Variants in PDE4D observed in about 807,000 individuals in gnomAD.
PDE4D encodes the protein 3',5'-cyclic-AMP phosphodiesterase 4D.
Under a neutral mutation model 87.4 loss-of-function variants are expected in PDE4D, and 24 were observed. The ratio of observed to expected loss-of-function variants is 0.27; its 90% CI spans 0.20 to 0.39. The LOEUF is 0.39. PDE4D is among the 10% of genes least tolerant of loss of function. The pLI is 1.00. For synonymous variants in PDE4D, 384 were observed against 383.2 expected, an observed-to-expected ratio of 1.00 and a Z score of -0.02; for missense variants, 714 against 1,041.0, an observed-to-expected ratio of 0.69 and a Z score of 4.32.
chr5:59,317,306 C>T (rs27168), intron 1 of PDE4D, among the ~76,000 whole-genome samples: 15,895 of 152,144 alleles, frequency 0.1, 1,007 homozygotes, highest in East Asian at 0.28. Context: ...CTAGGGGAGG[C>T]AAACGTGTGC....
chr5:59,377,927 G>A (rs1785002947), intron 1 of PDE4D, among the ~76,000 whole-genome samples: 1 of 152,160 alleles, frequency 6.6e-6, no homozygotes, highest in South Asian at 2.1e-4. Flanking sequence ...TCCCATTACT[G>A]GGTGTATACC....
chr5:58,976,577 T>C, intron 12 of PDE4D, 105 bp from the exon 13 acceptor site: 1 of 885,356 alleles, frequency 1.1e-6, no homozygotes. Flanking sequence ...ACACTATGCC[T>C]TTTAATGACA....
chr5:60,414,018 G>A (rs11745327), intron 1 of PDE4D, among the ~76,000 whole-genome samples: 38,950 of 151,762 alleles, frequency 0.26, 6,968 homozygotes, highest in African/African-American at 0.52. Flanking sequence ...GTTCCACCAA[G>A]TTTCTCGACA....
intron 1 of PDE4D, among the ~76,000 whole-genome samples, chr5:59,431,500 T>C (rs1246836871): frequency 6.6e-6 from 1 of 152,118 alleles, no homozygotes; most frequent in Non-Finnish European, 1.5e-5. Flanking sequence ...TGGGTAAACA[T>C]ACAGTGTGCT....
chr5:59,012,002 ACATTCT>A (rs1722313167), intron 6 of PDE4D, among the ~76,000 whole-genome samples: 1 of 152,208 alleles, frequency 6.6e-6, no homozygotes, highest in African/African-American at 2.4e-5. Flanking sequence ...CCAATATTCA[ACATTCT>A]TAAAGGAAAG....
chr5:59,649,004 T>C (rs1163889518), intron 1 of PDE4D, among the ~76,000 whole-genome samples: 2 of 152,220 alleles, frequency 1.3e-5, no homozygotes, highest in African/African-American at 4.8e-5. Flanking sequence ...GAGTAGGAAG[T>C]TGGATTCTTA....
chr5:59,013,742 C>T (rs534057583), intron 6 of PDE4D, among the ~76,000 whole-genome samples: 1 of 152,150 alleles, frequency 6.6e-6, no homozygotes, highest in East Asian at 1.9e-4. Flanking sequence ...AACATTCCTT[C>T]TGAAACTATT....
At chr5:59,733,019 C>T (rs2150617315) in intron 1 of PDE4D, among the ~76,000 whole-genome samples, 1 of 152,112 alleles carries the variant, frequency 6.6e-6, no homozygotes, top group East Asian at 1.9e-4. Context: ...TGACAGTGAG[C>T]TAGAAATTGC....
At chr5:59,090,093 T>A (rs1019186265) in intron 5 of PDE4D, among the ~76,000 whole-genome samples, 1 of 152,136 alleles carries the variant, frequency 6.6e-6, no homozygotes, top group Non-Finnish European at 1.5e-5. Context: ...CATTAGCAAT[T>A]ACTTACGGGA....
At chr5:59,639,468 T>G (rs1202726616) in intron 1 of PDE4D, among the ~76,000 whole-genome samples, 1 of 152,018 alleles carries the variant, frequency 6.6e-6, no homozygotes, top group Non-Finnish European at 1.5e-5. Context: ...GTAACAGAAG[T>G]GCAGATGAGG....
intron 1 of PDE4D, among the ~76,000 whole-genome samples, chr5:60,283,088 A>G (rs993162232): frequency 6.6e-6 from 1 of 152,092 alleles, no homozygotes; most frequent in Non-Finnish European, 1.5e-5. Context: ...TACTCTACCA[A>G]TTACTGAGAG....
Position 60,078,631 on chromosome 5 carries a change from AG to A in PDE4D, c.43-89915del, listed in dbSNP as rs563749573. On this transcript the variant is annotated intron_variant, in intron 2 of 16. Transcript: ENST00000502484. ...CAACCCCCACTTATGGGTGAGAATA[AG>A]TGGTGTTCAGTTTTCTGTTCCAGTG... Among the ~76,000 whole-genome samples, 141 of 152,150 alleles carry A rather than the reference AG, an allele frequency of 9.3e-4. 1 individual carries two copies. The highest frequency in any genetic ancestry group is 3.2e-3 in the African/African-American group (132 of 41,506).
intron 1 of PDE4D, among the ~76,000 whole-genome samples, chr5:60,332,340 C>T (rs930752168): frequency 5.3e-5 from 8 of 152,160 alleles, no homozygotes; most frequent in African/African-American, 1.4e-4. Flanking sequence ...CCCTCCCTCT[C>T]TGTTTTCGGA....
intron 1 of PDE4D, among the ~76,000 whole-genome samples, chr5:60,410,261 G>T (rs1741934065): frequency 6.6e-6 from 1 of 152,130 alleles, no homozygotes; most frequent in Admixed American, 6.5e-5. Flanking sequence ...CTCTGTTCCT[G>T]AAGTGCGATC....
At chr5:59,930,753 G>A (rs1010005882) in intron 3 of PDE4D, among the ~76,000 whole-genome samples, 2 of 152,180 alleles carry the variant, frequency 1.3e-5, no homozygotes, top group African/African-American at 4.8e-5. Context: ...TATTCCCACT[G>A]TCTTTTTAAA....
chr5:59,316,650 A>G (rs1025911730), intron 1 of PDE4D, among the ~76,000 whole-genome samples: 1 of 152,194 alleles, frequency 6.6e-6, no homozygotes, highest in African/African-American at 2.4e-5. Flanking sequence ...ATTTAAAACT[A>G]CCTGTTAACT....
chr5:59,976,372 G>T (rs559814378), intron 3 of PDE4D, among the ~76,000 whole-genome samples: 1 of 152,192 alleles, frequency 6.6e-6, no homozygotes, highest in East Asian at 1.9e-4. Flanking sequence ...TGGGTCATGG[G>T]GTCAGAGCCC....
intron 1 of PDE4D, among the ~76,000 whole-genome samples, chr5:59,686,744 G>A (rs1354567190): frequency 6.6e-6 from 1 of 152,128 alleles, no homozygotes; most frequent in Non-Finnish European, 1.5e-5. Context: ...TCTTCCTACA[G>A]ATGACTATGT....
At chr5:60,485,735 C>T (rs1035640946) in intron 1 of PDE4D, among the ~76,000 whole-genome samples, 10 of 152,168 alleles carry the variant, frequency 6.6e-5, no homozygotes, top group African/African-American at 2.4e-4. Context: ...CCCCACCATG[C>T]CTTGCCCCCA....
Sources: allele counts gnomAD v4.1 joint callset (sites outside exome capture counted in the v4.1 genomes callset), GRCh38; gene constraint gnomAD v4.1.1; transcripts MANE v1.5; gene names NCBI Gene and HGNC (gene_info 2026-07-23, HGNC 2026-07-21).